The following COL4A4 variants were observed in gnomAD, a reference collection of about 807,000 sequenced individuals.
COL4A4 encodes collagen alpha-4(IV) chain.
Under a neutral mutation model 192.9 loss-of-function variants are expected in COL4A4, and 105 were observed. That is an observed-to-expected ratio of 0.54 (90% confidence interval 0.46 to 0.64). The LOEUF is 0.64. Among genes scored for constraint, COL4A4 ranks in the 30% least tolerant of loss-of-function variants. The pLI is 0.00. For missense variants in COL4A4, 1,967 were observed against 2,169.3 expected, an observed-to-expected ratio of 0.91 and a Z score of 1.85; for synonymous variants, 762 against 769.9, an observed-to-expected ratio of 0.99 and a Z score of 0.17.
chr2:227,094,044 TA>T, intron 20 of COL4A4, 80 bp downstream of exon 20: 1 of 1,350,708 alleles, frequency 7.4e-7, no homozygotes, highest in Non-Finnish European at 1.0e-6. Context: ...TAAAATATTT[TA>T]AAAACTATGC....
intron 42 of COL4A4, among the ~76,000 whole-genome samples, chr2:227,027,474 T>G (rs1257698715): frequency 1.5e-5 from 2 of 131,242 alleles, no homozygotes; most frequent in South Asian, 2.4e-4. Context: ...CTGGGGCCTG[T>G]TGTGGAGTGG....
At position 227,042,157 on chromosome 2, in the gene COL4A4, C is replaced by A; in HGVS notation, c.3496G>T (p.Gly1166Ter). Residue 1166 changes from glycine (G) to a stop codon, truncating the protein, a stop_gained, in exon 37 of 48, where the codon GGA becomes TGA. Transcript: ENST00000396625. LOFTEE classifies it high-confidence loss of function. ...CTTCATTTTGACTTACCTTTTATTC[C>A]CGGAGGACCTGGTATCCCTGGATCC... Reference protein sequence around the residue: ...QGDPGIPGPPGIKGPSGSPGL... With the variant: ...QGDPGIPGPP 6.2e-7 allele frequency: 1 copy of A among 1,602,260 alleles called. No individual in the cohort carries two copies.
chr2:227,114,808 A>T (rs2061405176), intron 7 of COL4A4, 112 bp from the exon 8 acceptor site: 1 of 862,504 alleles, frequency 1.2e-6, no homozygotes, highest in African/African-American at 1.7e-5. Context: ...TATTGACATG[A>T]TTAACAAGAA....
At chr2:226,999,497 T>C (rs147130574), downstream of COL4A4, among the ~76,000 whole-genome samples, 159 of 152,278 alleles carry the variant, frequency 1.0e-3, no homozygotes, top group Non-Finnish European at 9.3e-4. Flanking sequence ...TGCCATGTGC[T>C]TTTTACAGGT....
At chr2:227,087,613 C>T (rs550191213) in intron 22 of COL4A4, among the ~76,000 whole-genome samples, 3 of 152,278 alleles carry the variant, frequency 2.0e-5, no homozygotes, top group South Asian at 2.1e-4. Flanking sequence ...CACCCAGCAC[C>T]ACCACATTAA....
chr2:226,989,966 T>C, the COL4A4 span, among the ~76,000 whole-genome samples: 1 of 152,238 alleles, frequency 6.6e-6, no homozygotes, highest in Non-Finnish European at 1.5e-5. Flanking sequence ...TCTTGATTGA[T>C]TGAAGGATAG....
rs761509497 is a variant in COL4A4, at chr2:227,008,291, A to G, written c.4536T>C (p.Ser1512=). The change falls in exon 47 of 48, where the codon TCT becomes TCC. Residue 1512 remains serine, a synonymous_variant. Transcript: ENST00000396625. ...GCAGCGTGCTAAATACGGGAAGGCA[A>G]GACCCTGCCAGACCTTGGGAAGGGA... ...AHNQDLGLAG[S]CLPVFSTLPF... The G allele has an allele frequency of 6.2e-7, 1 of 1,614,152 alleles. No individual in the cohort carries two copies. The highest frequency in any genetic ancestry group is 8.5e-7 in the Non-Finnish European group (1 of 1,179,948).
intron 28 of COL4A4, 113 bp from the exon 29 acceptor site, chr2:227,057,713 G>C: frequency 9.1e-7 from 1 of 1,095,648 alleles, no homozygotes; most frequent in South Asian, 1.3e-5. Flanking sequence ...TCCTGAATCA[G>C]TGTTCAAATG....
Position 227,118,701 on chromosome 2 carries a change from T to G in COL4A4, c.433A>C (p.Arg145=). ...KPGMSGHNGS[R]GDPGFPGGRG... is the part of the protein sequence containing the mutation. ...CCTCCTGGAAACCCTGGGTCACCTC[T>G]TGAGCCATTGTGGCCACTCATACCA... is the stretch of plus-strand genomic sequence containing the variant. Residue 145 remains arginine (R), a synonymous_variant, in exon 7 of 48, where the codon AGA becomes CGA. Coordinates refer to ENST00000396625, the MANE Select transcript of COL4A4 (RefSeq NM_000092.5). The G allele has an allele frequency of 6.2e-7, 1 of 1,614,102 alleles. No individual in the cohort carries two copies. The highest frequency in any genetic ancestry group is 8.5e-7 in the Non-Finnish European group (1 of 1,180,020).
chr2:227,001,520 A>G (rs937210672), downstream of COL4A4, among the ~76,000 whole-genome samples: 1 of 152,200 alleles, frequency 6.6e-6, no homozygotes, highest in Non-Finnish European at 1.5e-5. Context: ...CAGTGACAGG[A>G]GCAATCCAGG....
intron 4 of COL4A4, among the ~76,000 whole-genome samples, chr2:227,136,586 C>T (rs2062828719): frequency 6.6e-6 from 1 of 152,138 alleles, no homozygotes; most frequent in Admixed American, 6.5e-5. Flanking sequence ...GGAGGCCCCC[C>T]TTGATTCTCC....
At position 227,012,287 on chromosome 2, in the gene COL4A4, T is replaced by C; in HGVS notation, c.4227A>G (p.Gly1409=). Residue 1409 remains glycine, a synonymous_variant, in exon 45 of 48, where the codon GGA becomes GGG. Coordinates refer to ENST00000396625, the MANE Select transcript of COL4A4 (RefSeq NM_000092.5). ...CCCTCCTGCCATCCAGCCCAGGCTC[T>C]CCTTTGCACCCTGCACAAAAGTTTA... is the stretch of plus-strand genomic sequence containing the variant. ...MRGPSGPGCK[G]EPGLDGRRGV... is the part of the protein sequence containing the mutation. 1.2e-6 allele frequency: 2 copies of C among 1,613,852 alleles called. No homozygotes were observed. Among genetic ancestry groups the C allele is most frequent in the Non-Finnish European group, 1.7e-6 (2 of 1,179,844 alleles).
At chr2:226,997,614 GA>G in the COL4A4 span, 15 of 152,122 alleles carry the variant, frequency 9.9e-5, no homozygotes, top group Non-Finnish European at 1.8e-4. Context: ...ACTGTATATG[GA>G]AGTATTTTAT....
chr2:227,127,719 G>A (rs2062174072), intron 4 of COL4A4, among the ~76,000 whole-genome samples: 1 of 152,120 alleles, frequency 6.6e-6, no homozygotes, highest in Admixed American at 6.5e-5. Context: ...GAAATCGTTT[G>A]TCATTTTGTC....
intron 25 of COL4A4, among the ~76,000 whole-genome samples, chr2:227,070,235 A>G (rs1185589699): frequency 2.0e-5 from 3 of 151,528 alleles, no homozygotes; most frequent in Non-Finnish European, 3.0e-5. Flanking sequence ...GCTGGAGAGG[A>G]TGTGGAGAAA....
At chr2:227,028,347 C>G in intron 41 of COL4A4, among the ~76,000 whole-genome samples, 1 of 152,210 alleles carries the variant, frequency 6.6e-6, no homozygotes, top group Non-Finnish European at 1.5e-5. Context: ...CCGGGAACAA[C>G]GTGCCTCCCC....
At chr2:227,061,989 C>A (rs13423703) in intron 26 of COL4A4, among the ~76,000 whole-genome samples, 97,923 of 151,974 alleles carry the variant, frequency 0.64, 32,139 homozygotes, top group African/African-American at 0.76. Flanking sequence ...CCTGTAATCC[C>A]AGCACTTTGG....
chr2:227,104,204 T>G (rs1243310322), intron 12 of COL4A4, 152 bp from the exon 13 acceptor site: 11 of 697,106 alleles, frequency 1.6e-5, no homozygotes, highest in Non-Finnish European at 2.8e-5. Context: ...TAAAAGGATA[T>G]TTATTTTCTT....
intron 7 of COL4A4, among the ~76,000 whole-genome samples, chr2:227,117,546 C>T (rs950625094): frequency 6.6e-6 from 1 of 151,636 alleles, no homozygotes; most frequent in East Asian, 1.9e-4. Context: ...AAGGAAGACT[C>T]GTGAGTGACA....
Sources: gnomAD v4.1 joint callset for allele counts (sites outside exome capture counted in the v4.1 genomes callset) on GRCh38, gnomAD v4.1.1 for gene constraint, MANE v1.5 for transcripts, NCBI Gene and HGNC (gene_info 2026-07-23, HGNC 2026-07-21) for gene names.